The following TOR1B variants were observed in gnomAD, a reference collection of about 807,000 sequenced individuals.
The protein encoded by TOR1B is torsin family 1 member B.
A neutral mutation model predicts 29.2 loss-of-function variants in TOR1B; 14 were observed. That is an observed-to-expected ratio of 0.48 (90% confidence interval 0.32 to 0.75). TOR1B has a LOEUF of 0.75. TOR1B is among the 30% of genes least tolerant of loss of function. TOR1B has a pLI of 0.04. For synonymous variants in TOR1B, 166 were observed against 179.8 expected (o/e 0.92, Z 0.62); for missense variants, 400 against 433.9 (o/e 0.92, Z 0.69).
intron 2 of TOR1B, among the ~76,000 whole-genome samples, chr9:129,804,863 GCA>G (rs2030381449): frequency 6.7e-6 from 1 of 148,706 alleles, no homozygotes; most frequent in South Asian, 2.1e-4. Flanking sequence ...AAAAGGCCTG[GCA>G]CAGTGGCTCA....
At chr9:129,807,532 A>G (rs2030566915) in intron 3 of TOR1B, among the ~76,000 whole-genome samples, 169 bp downstream of exon 3, 1 of 152,098 alleles carries the variant, frequency 6.6e-6, no homozygotes, top group Admixed American at 6.6e-5. Context: ...CATGGCACAC[A>G]GTGTGGGTTG....
In TOR1B at chr9:129,803,209, C is replaced by G; in HGVS notation, c.-4C>G. 1 of 1,476,426 alleles carries G rather than the reference C, an allele frequency of 6.8e-7. No homozygotes were observed. Among genetic ancestry groups the G allele is most frequent in the Non-Finnish European group, 8.9e-7 (1 of 1,120,674 alleles). The allele number at this position is 1,476,426 out of a possible 1,614,324, so 91.5% of individuals were successfully genotyped here. A position where few individuals can be genotyped will look rare whatever the true frequency, so the allele number is the denominator to read the frequency against. On this transcript the variant is annotated 5_prime_UTR_variant, in exon 1 of 5. Coordinates refer to ENST00000259339, the MANE Select transcript of TOR1B (RefSeq NM_014506.3). ...AGTGGCTTCTGCGGGCTTCGAGGAG[C>G]GGGATGTTGCGGGCTGGGTGGCTCC...
chr9:129,807,280 C>A lies in TOR1B; in HGVS notation c.558C>A (p.Ile186=). The A allele has an allele frequency of 6.2e-7, 1 of 1,614,174 alleles. No individual in the cohort carries two copies. The highest frequency in any genetic ancestry group is 8.5e-7 in the Non-Finnish European group (1 of 1,180,050). Reference sequence around the variant, plus strand: ...AGATGGATAAATTGCACCCCGGGATCATTGACGCAATCAAGCCGTTTCTAG... The same window carrying A: ...AGATGGATAAATTGCACCCCGGGATAATTGACGCAATCAAGCCGTTTCTAG... ...FDEMDKLHPG[I]IDAIKPFLDY... The change falls in exon 3 of 5, where the codon ATC becomes ATA. Residue 186 remains isoleucine (I), a synonymous_variant. Coordinates refer to ENST00000259339, the MANE Select transcript of TOR1B (RefSeq NM_014506.3).
chr9:129,804,297 A>G lies in TOR1B; in HGVS notation c.424A>G (p.Thr142Ala). ...KSNFVHLFVS[T>A]LHFPHEQKIK... ...TAACTTTGTCCACCTGTTTGTATCG[A>G]CTCTGCACTTCCCTCATGAGCAGAA... The change falls in exon 2 of 5, where the codon ACT (threonine) becomes GCT (alanine). Residue 142 changes from threonine to alanine, a missense_variant. By Grantham distance (58) the Thr-to-Ala change is moderately conservative. Coordinates refer to ENST00000259339, the MANE Select transcript of TOR1B (RefSeq NM_014506.3). 6.2e-7 allele frequency: 1 copy of G among 1,613,876 alleles called. No individual in the cohort carries two copies. Among genetic ancestry groups the G allele is most frequent in the Non-Finnish European group, 8.5e-7 (1 of 1,179,952 alleles).
At chr9:129,807,743 G>A (rs778368525) in intron 3 of TOR1B, among the ~76,000 whole-genome samples, 5 of 151,756 alleles carry the variant, frequency 3.3e-5, no homozygotes, top group Non-Finnish European at 7.4e-5. Flanking sequence ...CTACTCGGGA[G>A]ACTGAGGCAA....
At chr9:129,804,500 C>A in intron 2 of TOR1B, 162 bp downstream of exon 2, 1 of 859,418 alleles carries the variant, frequency 1.2e-6, no homozygotes, top group Non-Finnish European at 1.8e-6. Flanking sequence ...AGCTCTCCTA[C>A]AACATTTCTC....
At chr9:129,808,423 C>T (rs1415375363) in intron 3 of TOR1B, among the ~76,000 whole-genome samples, 4 of 151,800 alleles carry the variant, frequency 2.6e-5, no homozygotes, top group African/African-American at 4.8e-5. Context: ...CACTTGAACC[C>T]GGAAGGTGGA....
chr9:129,806,373 G>A (rs1276646288), intron 2 of TOR1B, among the ~76,000 whole-genome samples: 1 of 152,152 alleles, frequency 6.6e-6, no homozygotes, highest in East Asian at 1.9e-4. Context: ...TGGGGTTGAG[G>A]GCTTGTTGCT....
At chr9:129,806,757 C>T (rs1349198397) in intron 2 of TOR1B, among the ~76,000 whole-genome samples, 3 of 152,034 alleles carry the variant, frequency 2.0e-5, no homozygotes, top group Admixed American at 6.6e-5. Context: ...GGGATCGGGG[C>T]GCCTGTAGTC....
intron 3 of TOR1B, 106 bp from the exon 4 acceptor site, chr9:129,808,799 G>A: frequency 7.0e-7 from 1 of 1,418,924 alleles, no homozygotes; most frequent in South Asian, 1.2e-5. Flanking sequence ...TGATCTACCT[G>A]CCTCGGCCTC....
Position 129,810,353 on chromosome 9 carries a change from G to T in TOR1B, c.*770G>T, listed in dbSNP as rs887772534. 46 of 1,092,700 alleles carry T rather than the reference G, an allele frequency of 4.2e-5. 2 individuals carry two copies. Among genetic ancestry groups the T allele is most frequent in the African/African-American group, 6.8e-5 (4 of 58,918 alleles). 67.7% of individuals were successfully genotyped at this position (1,092,700 alleles called of 1,614,324 possible). On this transcript the variant is annotated 3_prime_UTR_variant, in exon 5 of 5. Coordinates refer to ENST00000259339, the MANE Select transcript of TOR1B (RefSeq NM_014506.3). The stretch of plus-strand genomic sequence containing the variant: ...AGCTGACCTGTGTGTGTGTGTGTGG[G>T]GGGGTGGGGCCTTCACCTAAGACCT...
In TOR1B at chr9:129,810,079, G is replaced by A. The variant is rs1019025257; in HGVS notation, c.*496G>A. The A allele has an allele frequency of 2.4e-5, 30 of 1,257,134 alleles. No homozygotes were observed. Among genetic ancestry groups the A allele is most frequent in the South Asian group, 2.0e-4 (15 of 75,010 alleles). The allele number at this position is 1,257,134 out of a possible 1,614,324, so 77.9% of individuals were successfully genotyped here. A position where few individuals can be genotyped will look rare whatever the true frequency, so the allele number is the denominator to read the frequency against. ...CAATAGCTTCTGACCCACAGCACCC[G>A]CGCCTCAGAAGCTACGGTCACAACT... is the stretch of plus-strand genomic sequence containing the variant. On this transcript the variant is annotated 3_prime_UTR_variant, in exon 5 of 5. Transcript: ENST00000259339.
rs747120330 is a variant in TOR1B at position 129,803,335 on chromosome 9, C to T, written c.123C>T (p.Thr41=). 2.5e-6 allele frequency: 4 copies of T among 1,591,358 alleles called. No individual in the cohort carries two copies. Among genetic ancestry groups the T allele is most frequent in the South Asian group, 1.1e-5 (1 of 88,546 alleles). Residue 41 remains threonine (T), a synonymous_variant, in exon 1 of 5, where the codon ACC becomes ACT. Transcript: ENST00000259339. The part of the protein sequence containing the change: ...GLAIGAASAI[T]GYLSYNDIYC... ...CCATCGGGGCCGCGTCGGCCATCAC[C>T]GGCTACCTGTCCTACAATGACATCT...
rs369042568 is a variant in TOR1B, at chr9:129,805,017, T to A, written c.465+679T>A. Among the ~76,000 whole-genome samples the A allele has an allele frequency of 5.8e-3, 814 of 139,678 alleles. 8 individuals carry two copies. The highest frequency in any genetic ancestry group is 0.021 in the African/African-American group (780 of 36,872). The allele number at this position is 139,678 out of a possible 152,430, so 91.6% of individuals were successfully genotyped here. On this transcript the variant is annotated intron_variant, in intron 2 of 4. Transcript: ENST00000259339. Reference sequence around the variant, plus strand: ...GCCGGGGATGGTGGCGGGCACCTGTTGTCCCAGCTACTCGGGAGGCTGAGG... The same window carrying A: ...GCCGGGGATGGTGGCGGGCACCTGTAGTCCCAGCTACTCGGGAGGCTGAGG...
At position 129,804,272 on chromosome 9, in the gene TOR1B, T is replaced by G. The variant is rs143471677; in HGVS notation, c.399T>G (p.Ser133Arg). ...AENLHPKGLK[S>R]NFVHLFVSTL... ...ATCTTCACCCAAAAGGTCTGAAGAG[T>G]AACTTTGTCCACCTGTTTGTATCGA... Residue 133 changes from serine to arginine, a missense_variant, in exon 2 of 5, where the codon AGT becomes AGG. Ser to Arg is a moderately radical substitution (Grantham distance 110). Transcript: ENST00000259339. 774 of 1,613,944 alleles carry G rather than the reference T, an allele frequency of 4.8e-4. 2 individuals are homozygous for G. The highest frequency in any genetic ancestry group is 6.4e-4 in the Non-Finnish European group (751 of 1,180,028).
At position 129,804,122 on chromosome 9, in the gene TOR1B, G is replaced by A. The variant is rs571474847; in HGVS notation, c.249G>A (p.Thr83=). The A allele has an allele frequency of 9.3e-6, 15 of 1,614,182 alleles. No homozygotes were observed. Among genetic ancestry groups the A allele is most frequent in the African/African-American group, 6.7e-5 (5 of 75,034 alleles). Residue 83 remains threonine, a synonymous_variant, in exon 2 of 5, where the codon ACG becomes ACA. Transcript: ENST00000259339. ...EEKLFGQHLA[T]EVIFKALTGF... The stretch of plus-strand genomic sequence containing the variant: ...AGCTGTTTGGACAGCATCTAGCCAC[G>A]GAAGTGATTTTCAAGGCGCTGACTG...
chr9:129,807,534 T>C (rs2030567182), intron 3 of TOR1B, among the ~76,000 whole-genome samples, 171 bp downstream of exon 3: 1 of 151,940 alleles, frequency 6.6e-6, no homozygotes, highest in African/African-American at 2.4e-5. Flanking sequence ...TGGCACACAG[T>C]GTGGGTTGTG....
chr9:129,808,372 G>T (rs1182714721), intron 3 of TOR1B, among the ~76,000 whole-genome samples: 1 of 151,480 alleles, frequency 6.6e-6, no homozygotes, highest in Non-Finnish European at 1.5e-5. Context: ...CGTGGCAGGC[G>T]CCTGTAATCC....
chr9:129,806,045 C>G (rs930132550), intron 2 of TOR1B, among the ~76,000 whole-genome samples: 2 of 150,978 alleles, frequency 1.3e-5, no homozygotes, highest in Non-Finnish European at 2.9e-5. Flanking sequence ...CGCTTGAGCC[C>G]GGGAGGCTGA....
Sources: gnomAD v4.1 joint callset for allele counts (sites outside exome capture counted in the v4.1 genomes callset) on GRCh38, gnomAD v4.1.1 for gene constraint, MANE v1.5 for transcripts, NCBI Gene and HGNC (gene_info 2026-07-23, HGNC 2026-07-21) for gene names.